CELSR3: variants seen among roughly 807,000 people sequenced by gnomAD.
The protein encoded by CELSR3 is cadherin EGF LAG seven-pass G-type receptor 3.
A neutral mutation model predicts 270.0 loss-of-function variants in CELSR3; 73 were observed. The observed-to-expected ratio is 0.27, with a 90% CI of 0.22 to 0.33. The LOEUF is 0.33. CELSR3 is among the 10% of genes least tolerant of loss of function. CELSR3 has a pLI of 1.00. For missense variants in CELSR3, 3,614 were observed against 4,533.8 expected, an observed-to-expected ratio of 0.80 and a Z score of 5.83; for synonymous variants, 1,780 against 1,905.4, an observed-to-expected ratio of 0.93 and a Z score of 1.71.
Position 48,657,367 on chromosome 3 carries a change from GC to G in CELSR3, c.3749-20del. 2 of 1,560,424 alleles carry G rather than the reference GC, an allele frequency of 1.3e-6. No homozygotes were observed. The highest frequency in any genetic ancestry group is 8.7e-7 in the Non-Finnish European group (1 of 1,153,846). ...AGGCCATCTGCAGGCGGGGGCAGGG[GC>G]AGTGGTCATCCTGGGGACAGTGGCC... is the stretch of plus-strand genomic sequence containing the variant. On this transcript the variant is annotated intron_variant, in intron 1 of 34. Transcript: ENST00000164024. The surrounding 1 kb of genome is among the most constrained non-coding windows in gnomAD (Gnocchi z 5.4).
Position 48,655,617 on chromosome 3 carries a change from AGGGCTTGCAT to A in CELSR3, c.4741+109_4741+118del, listed in dbSNP as rs2047173674. 2 of 967,976 alleles carry A rather than the reference AGGGCTTGCAT, an allele frequency of 2.1e-6. No homozygotes were observed. Among genetic ancestry groups the A allele is most frequent in the Non-Finnish European group, 3.3e-6 (2 of 609,004 alleles). The allele number at this position is 967,976 out of a possible 1,614,324, so 60.0% of individuals were successfully genotyped here. A position where few individuals can be genotyped will look rare whatever the true frequency, so the allele number is the denominator to read the frequency against. ...GGAATGGCCAAGGAGCTAGGTCTTCAGGGCTTGCATGGCGTGGAGTGTGTGCTCAGGTGCA... is the reference window on the plus strand; with the variant it reads ...GGAATGGCCAAGGAGCTAGGTCTTCAGGCGTGGAGTGTGTGCTCAGGTGCA... On this transcript the variant is annotated intron_variant, in intron 4 of 34. Coordinates refer to ENST00000164024, the MANE Select transcript of CELSR3 (RefSeq NM_001407.3). This position sits in a 1 kb window ranked among gnomAD's most constrained non-coding sequence, Gnocchi z 5.8.
In CELSR3 at chr3:48,643,558, AG is replaced by A; in HGVS notation, c.8284del (p.Leu2762SerfsTer13). 1 of 1,550,160 alleles carries A rather than the reference AG, an allele frequency of 6.5e-7. No individual in the cohort carries two copies. The highest frequency in any genetic ancestry group is 8.7e-7 in the Non-Finnish European group (1 of 1,146,542). ...FHYLHAGLCGLQGLAVLLLFC... is the reference protein window; with the variant it reads ...FHYLHAGLCGXQGLAVLLLFC... ...AGGGAGGGGCACCAGAGTCACCTGGAGGCCGCAGAGTCCAGCATGGAGGTAG... is the reference window on the plus strand; with the variant it reads ...AGGGAGGGGCACCAGAGTCACCTGGAGCCGCAGAGTCCAGCATGGAGGTAG... On this transcript the variant is annotated frameshift_variant, in exon 28 of 35. Coordinates refer to ENST00000164024, the MANE Select transcript of CELSR3 (RefSeq NM_001407.3). LOFTEE classifies it high-confidence loss of function.
At chr3:48,643,767 A>T in intron 27 of CELSR3, 90 bp from the exon 28 acceptor site, 1 of 1,444,968 alleles carries the variant, frequency 6.9e-7, no homozygotes, top group African/African-American at 1.4e-5. Context: ...CAGGGGCCAC[A>T]CACGAAACGT....
chr3:48,639,011 C>T lies in CELSR3; in HGVS notation c.9911+663G>A, dbSNP rs953259314. ...CAAGAGACCTGGAAGCTCCTGGTTC[C>T]TCCCCACTCCCACCAGTCCCTCTCG... is the stretch of plus-strand genomic sequence containing the variant. On this transcript the variant is annotated intron_variant, in intron 34 of 34. Coordinates refer to ENST00000164024, the MANE Select transcript of CELSR3 (RefSeq NM_001407.3). This position sits in a 1 kb window ranked among gnomAD's most constrained non-coding sequence, Gnocchi z 4.1. Among the ~76,000 whole-genome samples, 1 of 151,930 alleles carries T rather than the reference C, an allele frequency of 6.6e-6. No homozygotes were observed. Among genetic ancestry groups the T allele is most frequent in the East Asian group, 1.9e-4 (1 of 5,172 alleles).
rs2047080762 is a variant in CELSR3 at position 48,646,082 on chromosome 3, G to GA, written c.7463+7_7463+8insT. 6.2e-7 allele frequency: 1 copy of GA among 1,611,924 alleles called. No individual in the cohort carries two copies. The highest frequency in any genetic ancestry group is 1.7e-5 in the Admixed American group (1 of 59,828). On this transcript the variant is annotated splice_region_variant and intron_variant, in intron 22 of 34. Coordinates refer to ENST00000164024, the MANE Select transcript of CELSR3 (RefSeq NM_001407.3). This position sits in a 1 kb window ranked among gnomAD's most constrained non-coding sequence, Gnocchi z 4.8. ...GGGACCAAGGGTTTCCAGAATGGGG[G>GA]TCCTCACAGGCCAGGTGGGTCCCAC...
intron 19 of CELSR3, 86 bp from the exon 20 acceptor site, chr3:48,648,082 C>T (rs758515322): frequency 4.4e-4 from 673 of 1,526,848 alleles, no homozygotes; most frequent in Non-Finnish European, 5.7e-4. Flanking sequence ...CATCCCGCAC[C>T]TGAGTCCCAC....
In CELSR3 at chr3:48,662,311, C is replaced by G. The variant is rs78250045; in HGVS notation, c.324G>C (p.Glu108Asp). Residue 108 changes from glutamate to aspartate, a missense_variant, in exon 1 of 35, where the codon GAG becomes GAC. Physicochemically the swap from Glu to Asp is conservative, Grantham distance 45. Transcript: ENST00000164024. This position sits in a 1 kb window ranked among gnomAD's most constrained non-coding sequence, Gnocchi z 7.1. ...SRGPPEQPNE[E>D]LGIEHGVQPL... is the part of the protein sequence containing the mutation. Reference sequence around the variant, plus strand: ...GCTGGACGCCGTGTTCAATCCCCAGCTCCTCATTCGGCTGCTCAGGGGGCC... The same window carrying G: ...GCTGGACGCCGTGTTCAATCCCCAGGTCCTCATTCGGCTGCTCAGGGGGCC... 6.2e-7 allele frequency: 1 copy of G among 1,613,100 alleles called. No individual in the cohort carries two copies. Among genetic ancestry groups the G allele is most frequent in the Non-Finnish European group, 8.5e-7 (1 of 1,180,028 alleles).
rs548525221 is a variant in CELSR3, at chr3:48,640,515, G to A, written c.9070C>T (p.Arg3024Ter). 6 of 1,606,026 alleles carry A rather than the reference G, an allele frequency of 3.7e-6. No individual in the cohort carries two copies. The highest frequency in any genetic ancestry group is 2.2e-5 in the East Asian group (1 of 44,714). The stretch of plus-strand genomic sequence containing the variant: ...CACCAGGACAGCTCAGGGGCACCTC[G>A]GGTCTGTGGCACCAGTGGGTATTGC... ...RLQYPLVPQT[R>*]GAPELSWCRA... is the part of the protein sequence containing the mutation. The change falls in exon 34 of 35, where the codon CGA becomes TGA. Residue 3024 changes from arginine (R) to a stop codon, truncating the protein, a stop_gained. Transcript: ENST00000164024. LOFTEE classifies it high-confidence loss of function. This position sits in a 1 kb window ranked among gnomAD's most constrained non-coding sequence, Gnocchi z 7.5.
Position 48,660,925 on chromosome 3 carries a change from A to C in CELSR3, c.1710T>G (p.Thr570=). The stretch of plus-strand genomic sequence containing the variant: ...ATCCGTTGGCGTCCTTGTCCCGGTC[A>C]GTGGCCGTGACGCGCAGCACGACTG... ...PHTVVLRVTA[T]DRDKDANGLV... is the part of the protein sequence containing the mutation. Residue 570 remains threonine, a synonymous_variant, in exon 1 of 35, where the codon ACT becomes ACG. Transcript: ENST00000164024. This position sits in a 1 kb window ranked among gnomAD's most constrained non-coding sequence, Gnocchi z 5.5. 1 of 1,613,978 alleles carries C rather than the reference A, an allele frequency of 6.2e-7. No homozygotes were observed. The highest frequency in any genetic ancestry group is 8.5e-7 in the Non-Finnish European group (1 of 1,180,040).
chr3:48,653,904 C>T lies in CELSR3; in HGVS notation c.5252G>A (p.Gly1751Asp). The T allele has an allele frequency of 6.2e-7, 1 of 1,613,706 alleles. No individual in the cohort carries two copies. Among genetic ancestry groups the T allele is most frequent in the Non-Finnish European group, 8.5e-7 (1 of 1,179,874 alleles). The change falls in exon 8 of 35, where the codon GGC becomes GAC. Residue 1751 changes from glycine (G) to aspartate (D), a missense_variant. Around this residue, in one of 7 missense-constraint regions of CELSR3, gnomAD observed 1,331 missense variants for 1,933.7 expected, o/e 0.69. Transcript: ENST00000164024. This position sits in a 1 kb window ranked among gnomAD's most constrained non-coding sequence, Gnocchi z 6.5. ...WGSFSCDCPV[G>D]FGGKDCQLTM... The stretch of plus-strand genomic sequence containing the variant: ...AAGCTGACAGTCTTTGCCGCCGAAG[C>T]CCACAGGGCAGTCGCAGCTGAAGCT...
intron 34 of CELSR3, 109 bp from the exon 35 acceptor site, chr3:48,638,341 T>G: frequency 2.6e-6 from 2 of 783,740 alleles, no homozygotes; most frequent in Non-Finnish European, 4.6e-6. Context: ...CCTCCACCAC[T>G]GCTCTCGCCT....
At chr3:48,643,792 C>T in intron 27 of CELSR3, 115 bp from the exon 28 acceptor site, 1 of 1,252,620 alleles carries the variant, frequency 8.0e-7, no homozygotes, top group Non-Finnish European at 1.1e-6. Flanking sequence ...AAAAGGAACT[C>T]ACACGGGAAC....
intron 16 of CELSR3, among the ~76,000 whole-genome samples, 173 bp from the exon 17 acceptor site, chr3:48,649,388 T>A (rs1464790897): frequency 6.6e-6 from 1 of 152,216 alleles, no homozygotes; most frequent in African/African-American, 2.4e-5. Context: ...CCCCAGCTGC[T>A]TGTCAGGCAA....
At position 48,640,218 on chromosome 3, in the gene CELSR3, G is replaced by A. The variant is rs777249093; in HGVS notation, c.9367C>T (p.Arg3123Trp). 14 of 1,612,754 alleles carry A rather than the reference G, an allele frequency of 8.7e-6. No individual in the cohort carries two copies. Among genetic ancestry groups the A allele is most frequent in the South Asian group, 3.3e-5 (3 of 91,080 alleles). ...GGGTAGTCCCGAGGTGGCTGCCTCC[G>A]TGGCAGGGTGCTGCCCCGATCTTTG... ...EPKDRGSTLP[R>W]RQPPRDYPGA... Residue 3123 changes from arginine to tryptophan, a missense_variant, in exon 34 of 35, where the codon CGG becomes TGG. Coordinates refer to ENST00000164024, the MANE Select transcript of CELSR3 (RefSeq NM_001407.3). The surrounding 1 kb of genome is among the most constrained non-coding windows in gnomAD (Gnocchi z 7.5).
rs779711988 is a variant in CELSR3, at chr3:48,645,631, C to T, written c.7609G>A (p.Glu2537Lys). The part of the protein sequence containing the change: ...SPRERLEGDL[E>K]LLAVFTHVVV... ...ACGTGGGTGAACACAGCCAGCAGCT[C>T]CAGGTCGCCCTCCAGCCTCTACAGA... The change falls in exon 24 of 35, where the codon GAG (glutamate) becomes AAG (lysine). Residue 2537 changes from glutamate (E) to lysine (K), a missense_variant. Coordinates refer to ENST00000164024, the MANE Select transcript of CELSR3 (RefSeq NM_001407.3). This position sits in a 1 kb window ranked among gnomAD's most constrained non-coding sequence, Gnocchi z 5.4. 4.6e-5 allele frequency: 74 copies of T among 1,609,542 alleles called. No individual in the cohort carries two copies. Among genetic ancestry groups the T allele is most frequent in the Non-Finnish European group, 5.8e-5 (68 of 1,177,386 alleles).
Position 48,640,152 on chromosome 3 carries a change from C to G in CELSR3, c.9433G>C (p.Asp3145His), listed in dbSNP as rs748978078. 1 of 1,612,560 alleles carries G rather than the reference C, an allele frequency of 6.2e-7. No homozygotes were observed. The highest frequency in any genetic ancestry group is 1.3e-5 in the African/African-American group (1 of 75,034). ...AACCACTCTCGAGGTGCCCCTAAGTCGAGCGCATCCCGTGACCCGAAGCGG... is the reference window on the plus strand; with the variant it reads ...AACCACTCTCGAGGTGCCCCTAAGTGGAGCGCATCCCGTGACCCGAAGCGG... The part of the protein sequence containing the change: ...AGRFGSRDAL[D>H]LGAPREWLST... Residue 3145 changes from aspartate (D) to histidine (H), a missense_variant, in exon 34 of 35, where the codon GAC (aspartate) becomes CAC (histidine). By Grantham distance (81) the Asp-to-His change is moderately conservative. This residue lies in a region of CELSR3 where 1,240 missense variants were observed against 1,351.7 expected (regional missense o/e 0.92). Coordinates refer to ENST00000164024, the MANE Select transcript of CELSR3 (RefSeq NM_001407.3). The surrounding 1 kb of genome is among the most constrained non-coding windows in gnomAD (Gnocchi z 7.5).
In CELSR3 at chr3:48,641,176, A is replaced by G. The variant is rs2047023027; in HGVS notation, c.9025+148T>C. 1.5e-6 allele frequency: 1 copy of G among 646,490 alleles called. No homozygotes were observed. The highest frequency in any genetic ancestry group is 2.8e-6 in the Non-Finnish European group (1 of 358,334). 40.0% of individuals were successfully genotyped at this position (646,490 alleles called of 1,614,324 possible). A position where few individuals can be genotyped will look rare whatever the true frequency, so the allele number is the denominator to read the frequency against. On this transcript the variant is annotated intron_variant, in intron 33 of 34. Coordinates refer to ENST00000164024, the MANE Select transcript of CELSR3 (RefSeq NM_001407.3). This position sits in a 1 kb window ranked among gnomAD's most constrained non-coding sequence, Gnocchi z 4.8. ...GTCAGGACAGGAGCAGTCCCTGAGG[A>G]CCGTGAAGCAGGCTAGAGAAGCAGA...
chr3:48,639,770 G>C lies in CELSR3; in HGVS notation c.9815C>G (p.Thr3272Ser), dbSNP rs377726340. 8 of 1,613,808 alleles carry C rather than the reference G, an allele frequency of 5.0e-6. No individual in the cohort carries two copies. Among genetic ancestry groups the C allele is most frequent in the Non-Finnish European group, 6.8e-6 (8 of 1,179,994 alleles). The change falls in exon 34 of 35, where the codon ACC becomes AGC. Residue 3272 changes from threonine (T) to serine (S), a missense_variant. Around this residue, in one of 7 missense-constraint regions of CELSR3, gnomAD observed 1,240 missense variants for 1,351.7 expected, o/e 0.92. Coordinates refer to ENST00000164024, the MANE Select transcript of CELSR3 (RefSeq NM_001407.3). The surrounding 1 kb of genome is among the most constrained non-coding windows in gnomAD (Gnocchi z 4.1). ...GGCTGTGGCAGAAGGTGTGGCAGTGGTGTGAGGGCCCAAGGGTGTGCTTGA... is the reference window on the plus strand; with the variant it reads ...GGCTGTGGCAGAAGGTGTGGCAGTGCTGTGAGGGCCCAAGGGTGTGCTTGA... ...QSSSTPLGPH[T>S]TATPSATASV...
Position 48,646,825 on chromosome 3 carries a change from G to C in CELSR3, c.7233C>G (p.Leu2411=). The change falls in exon 21 of 35, where the codon CTC becomes CTG. Residue 2411 remains leucine (L), a synonymous_variant. Coordinates refer to ENST00000164024, the MANE Select transcript of CELSR3 (RefSeq NM_001407.3). This position sits in a 1 kb window ranked among gnomAD's most constrained non-coding sequence, Gnocchi z 4.8. The part of the protein sequence containing the change: ...PEPGISIIIL[L]VYRTLGGLLP... ...GCAGTCCCCCTAAGGTGCGGTAAAC[G>C]AGGAGAATGATAATGGAGATCCCAG... 1 of 1,606,060 alleles carries C rather than the reference G, an allele frequency of 6.2e-7. No individual in the cohort carries two copies. Among genetic ancestry groups the C allele is most frequent in the Non-Finnish European group, 8.5e-7 (1 of 1,177,348 alleles).
Sources: gnomAD v4.1 joint callset for allele counts (sites outside exome capture counted in the v4.1 genomes callset) on GRCh38, gnomAD v4.1.1 for gene constraint, gnomAD v4.1.1 regional missense constraint, Gnocchi (gnomAD v3.1) non-coding constraint, MANE v1.5 for transcripts, NCBI Gene and HGNC (gene_info 2026-07-23, HGNC 2026-07-21) for gene names.